Variants in PCAT6 observed in about 807,000 individuals in gnomAD.
PCAT6 encodes the protein prostate cancer associated transcript 6.
chr1:202,811,291 T>C, exon 1 of PCAT6: 1 of 399,304 alleles, frequency 2.5e-6, no homozygotes, highest in Non-Finnish European at 4.4e-6. Context: ...CACCCCACTT[T>C]CCAGCCTGCG....
exon 1 of PCAT6, chr1:202,811,142 G>C (rs1200718949): frequency 2.5e-6 from 1 of 395,606 alleles, no homozygotes; most frequent in Non-Finnish European, 4.4e-6. Context: ...CTTACTCTTG[G>C]ACAACACTCC....
At chr1:202,811,359 G>C (rs1219633124) in exon 1 of PCAT6, 3 of 398,566 alleles carry the variant, frequency 7.5e-6, no homozygotes, top group African/African-American at 6.2e-5. Context: ...GGCGCTCCTC[G>C]CGTTCCTTCC....
At chr1:202,811,298 T>C in exon 1 of PCAT6, 1 of 399,346 alleles carries the variant, frequency 2.5e-6, no homozygotes, top group Non-Finnish European at 4.4e-6. Flanking sequence ...CTTTCCAGCC[T>C]GCGCCCCAGA....
chr1:202,811,301 G>C, exon 1 of PCAT6: 1 of 399,190 alleles, frequency 2.5e-6, no homozygotes, highest in Non-Finnish European at 4.4e-6. Context: ...TCCAGCCTGC[G>C]CCCCAGATCT....
exon 1 of PCAT6, chr1:202,811,205 A>G (rs1658542851): frequency 1.0e-5 from 4 of 397,442 alleles, no homozygotes; most frequent in Non-Finnish European, 1.8e-5. Context: ...GCAGCGCCAG[A>G]TCCTTCGGAC....
exon 1 of PCAT6, chr1:202,811,616 G>A (rs1336217232): frequency 7.7e-6 from 3 of 388,112 alleles, no homozygotes; most frequent in African/African-American, 6.2e-5. Context: ...CCTGGCCTCC[G>A]GTCTCTGCCT....
chr1:202,811,103 C>G, exon 1 of PCAT6: 1 of 386,446 alleles, frequency 2.6e-6, no homozygotes. Context: ...CAGCCCCGCT[C>G]CGAGTGCCAC....
exon 1 of PCAT6, chr1:202,811,240 A>T (rs1267946642): frequency 2.5e-6 from 1 of 398,362 alleles, no homozygotes; most frequent in Admixed American, 4.4e-5. Flanking sequence ...CTCCATCCTC[A>T]TTCGGTCCAT....
exon 1 of PCAT6, chr1:202,811,153 GC>G (rs1658541368): frequency 2.5e-6 from 1 of 396,068 alleles, no homozygotes; most frequent in Non-Finnish European, 4.4e-6. Context: ...ACAACACTCC[GC>G]CCCCGCCCGG....
exon 1 of PCAT6, chr1:202,811,022 G>A (rs1658537468): frequency 3.5e-6 from 1 of 288,342 alleles, no homozygotes; most frequent in Non-Finnish European, 6.4e-6. Flanking sequence ...CTGGGTGCGA[G>A]GCCTAGGCGG....
exon 1 of PCAT6, chr1:202,811,724 A>G (rs1445309183): frequency 7.3e-6 from 2 of 275,684 alleles, no homozygotes; most frequent in African/African-American, 4.4e-5. Context: ...TCCTCTGCGC[A>G]GTCCATCTCA....
exon 1 of PCAT6, chr1:202,811,446 C>G (rs941902103): frequency 2.5e-6 from 1 of 398,596 alleles, no homozygotes; most frequent in East Asian, 3.6e-5. Context: ...CCCTGGGCGC[C>G]GTGCAACTGC....
chr1:202,811,278 C>T, exon 1 of PCAT6: 3 of 399,418 alleles, frequency 7.5e-6, no homozygotes, highest in Non-Finnish European at 1.3e-5. Flanking sequence ...CGTCAACCGG[C>T]TGCACCCCAC....
At chr1:202,811,186 C>T in exon 1 of PCAT6, 1 of 397,910 alleles carries the variant, frequency 2.5e-6, no homozygotes, top group Non-Finnish European at 4.4e-6. Context: ...CCAAACCGCC[C>T]TCATTTGTGC....
At chr1:202,811,201 C>A (rs1302717870) in exon 1 of PCAT6, 6 of 397,432 alleles carry the variant, frequency 1.5e-5, no homozygotes, top group Non-Finnish European at 2.2e-5. Context: ...TTGTGCAGCG[C>A]CAGATCCTTC....
At chr1:202,811,623 G>T in exon 1 of PCAT6, 1 of 385,982 alleles carries the variant, frequency 2.6e-6, no homozygotes. Flanking sequence ...TCCGGTCTCT[G>T]CCTTGCTCGT....
chr1:202,811,392 C>T (rs1332034796), exon 1 of PCAT6: 3 of 398,646 alleles, frequency 7.5e-6, no homozygotes, highest in Non-Finnish European at 1.3e-5. Flanking sequence ...GCGAAGACCA[C>T]GCTGCCGGGT....
At chr1:202,811,648 C>T (rs1218887387) in exon 1 of PCAT6, 8 of 372,410 alleles carry the variant, frequency 2.1e-5, no homozygotes, top group Non-Finnish European at 3.3e-5. Flanking sequence ...CTACCACCAC[C>T]CTTCCCCTCC....
chr1:202,811,614 C>T (rs1001559841), exon 1 of PCAT6: 3 of 388,418 alleles, frequency 7.7e-6, no homozygotes, highest in African/African-American at 4.1e-5. Context: ...GCCCTGGCCT[C>T]CGGTCTCTGC....
Sources: gnomAD v4.1 joint callset for allele counts on GRCh38, gnomAD v4.1.1 for gene constraint, MANE v1.5 for transcripts, NCBI Gene and HGNC (gene_info 2026-07-23, HGNC 2026-07-21) for gene names.